The following SLC35F1 variants were observed in gnomAD, a reference collection of about 807,000 sequenced individuals.
SLC35F1 encodes the protein chromosome 6 open reading frame 169.
Under a neutral mutation model 48.7 loss-of-function variants are expected in SLC35F1, and 14 were observed. The observed-to-expected ratio is 0.29, with a 90% CI of 0.19 to 0.45. SLC35F1 has a LOEUF of 0.45. Among genes scored for constraint, SLC35F1 ranks in the 20% least tolerant of loss-of-function variants. The pLI is 1.00. For missense variants in SLC35F1, 404 were observed against 500.0 expected, an observed-to-expected ratio of 0.81 and a Z score of 1.83; for synonymous variants, 190 against 202.2, an observed-to-expected ratio of 0.94 and a Z score of 0.51.
At chr6:117,916,707 G>T (rs914968426) in intron 1 of SLC35F1, among the ~76,000 whole-genome samples, 2 of 152,228 alleles carry the variant, frequency 1.3e-5, no homozygotes, top group Admixed American at 1.3e-4. Context: ...AGTAAGTGGG[G>T]AGTAAGACTT....
In SLC35F1 at chr6:118,164,316, C is replaced by CAAT. The variant is rs1469095563; in HGVS notation, c.349+9697_349+9699dup. 3.9e-5 allele frequency among the ~76,000 whole-genome samples: 6 copies of CAAT among 152,262 alleles called. No individual in the cohort carries two copies. In the East Asian group the frequency reaches 9.7e-4, roughly 25 times the overall value. On this transcript the variant is annotated intron_variant, in intron 2 of 7. Coordinates refer to ENST00000360388, the MANE Select transcript of SLC35F1 (RefSeq NM_001029858.4). Reference sequence around the variant, plus strand: ...TTCTTCCAAAAAATAGAGTGAATATCAATTTTTTGTCTTTAACTGCCTAAT... The same window carrying CAAT: ...TTCTTCCAAAAAATAGAGTGAATATCAATAATTTTTTGTCTTTAACTGCCTAAT...
chr6:118,216,577 T>C (rs1775076161), intron 2 of SLC35F1, among the ~76,000 whole-genome samples: 1 of 151,536 alleles, frequency 6.6e-6, no homozygotes, highest in Non-Finnish European at 1.5e-5. Flanking sequence ...TGGTTGAAAT[T>C]GTGTCAGAGG....
intron 1 of SLC35F1, among the ~76,000 whole-genome samples, chr6:118,107,478 G>A (rs902015502): frequency 2.6e-5 from 4 of 152,090 alleles, no homozygotes; most frequent in African/African-American, 9.7e-5. Flanking sequence ...AATACTGACA[G>A]ATCTTATAAC....
chr6:117,923,670 T>TATGTATATATGCATATATGTAC (rs1554216692), intron 1 of SLC35F1, among the ~76,000 whole-genome samples: 5 of 26,826 alleles, frequency 1.9e-4, no homozygotes, highest in Non-Finnish European at 3.0e-4. Flanking sequence ...TATATATACA[T>TATGTATATATGCATATATGTAC]ATATGTACAT....
In SLC35F1 at chr6:118,265,417, A is replaced by G. The variant is rs189395821; in HGVS notation, c.478-1578A>G. On this transcript the variant is annotated intron_variant, in intron 3 of 7. Coordinates refer to ENST00000360388, the MANE Select transcript of SLC35F1 (RefSeq NM_001029858.4). ...TAAGTACTATTACAATTGGAACTAC[A>G]GAGGAGAAGTACAGCATTCAACAAA... is the stretch of plus-strand genomic sequence containing the variant. 9.2e-5 allele frequency among the ~76,000 whole-genome samples: 14 copies of G among 152,324 alleles called. No individual in the cohort carries two copies. In the East Asian group the frequency reaches 1.4e-3, roughly 15 times the overall value.
At chr6:118,150,564 A>G (rs925857358) in intron 1 of SLC35F1, among the ~76,000 whole-genome samples, 2 of 152,190 alleles carry the variant, frequency 1.3e-5, no homozygotes, top group African/African-American at 4.8e-5. Context: ...AATCCATGTC[A>G]TAGCAATAAT....
intron 1 of SLC35F1, among the ~76,000 whole-genome samples, chr6:117,991,289 A>AG (rs1776916920): frequency 6.6e-6 from 1 of 151,758 alleles, no homozygotes; most frequent in Non-Finnish European, 1.5e-5. Context: ...AAGTTCTTTC[A>AG]GAAAAAAAAA....
intron 1 of SLC35F1, among the ~76,000 whole-genome samples, chr6:117,909,384 A>G (rs1333103630): frequency 6.6e-6 from 1 of 152,172 alleles, no homozygotes; most frequent in Non-Finnish European, 1.5e-5. Flanking sequence ...ATCAAACTAG[A>G]AAATATTGAT....
intron 1 of SLC35F1, among the ~76,000 whole-genome samples, chr6:118,066,730 G>A (rs954956752): frequency 4.6e-5 from 7 of 151,284 alleles, no homozygotes; most frequent in African/African-American, 1.7e-4. Flanking sequence ...GCTTATCTAA[G>A]GCAGTAGTTC....
chr6:118,167,375 C>A (rs977602663), intron 2 of SLC35F1, among the ~76,000 whole-genome samples: 1 of 152,154 alleles, frequency 6.6e-6, no homozygotes, highest in African/African-American at 2.4e-5. Flanking sequence ...AAACATCATA[C>A]AGTGTACTTA....
At chr6:118,203,494 G>A (rs1307964239) in intron 2 of SLC35F1, among the ~76,000 whole-genome samples, 2 of 152,174 alleles carry the variant, frequency 1.3e-5, no homozygotes, top group Admixed American at 6.5e-5. Context: ...TCTCCTTTCA[G>A]GAGGGCCCTT....
In SLC35F1 at chr6:118,052,633, A is replaced by T. The variant is rs555914399; in HGVS notation, c.174-101812A>T. On this transcript the variant is annotated intron_variant, in intron 1 of 7. Coordinates refer to ENST00000360388, the MANE Select transcript of SLC35F1 (RefSeq NM_001029858.4). Reference sequence around the variant, plus strand: ...CTGACCAGTGAGAAAAGCAAAAATAAAGTTTAAGGAAAAAGTGTGTCATCA... The same window carrying T: ...CTGACCAGTGAGAAAAGCAAAAATATAGTTTAAGGAAAAAGTGTGTCATCA... Among the ~76,000 whole-genome samples the T allele has an allele frequency of 3.9e-5, 6 of 152,320 alleles. No homozygotes were observed. The East Asian group carries it at 1.2e-3, about 29-fold the overall frequency.
intron 2 of SLC35F1, among the ~76,000 whole-genome samples, chr6:118,197,457 C>T (rs1048487945): frequency 1.1e-4 from 16 of 152,036 alleles, no homozygotes; most frequent in African/African-American, 3.6e-4. Flanking sequence ...GTTATTTTCC[C>T]CCATCTGGTT....
intron 2 of SLC35F1, among the ~76,000 whole-genome samples, chr6:118,214,303 T>C (rs766236467): frequency 6.6e-6 from 1 of 152,216 alleles, no homozygotes; most frequent in Non-Finnish European, 1.5e-5. Context: ...TTCAATAGTC[T>C]TATGATATGA....
intron 1 of SLC35F1, chr6:117,999,131 G>A: frequency 6.3e-7 from 1 of 1,591,518 alleles, no homozygotes; most frequent in South Asian, 1.1e-5. Flanking sequence ...CAACAAAAAG[G>A]GCCTAAAGAA....
intron 1 of SLC35F1, among the ~76,000 whole-genome samples, chr6:118,017,255 G>A (rs991877168): frequency 3.9e-5 from 6 of 152,184 alleles, no homozygotes; most frequent in African/African-American, 7.2e-5. Context: ...ACCTGCAAGC[G>A]GGCTGTGACC....
At chr6:117,927,960 A>T (rs984607558) in intron 1 of SLC35F1, among the ~76,000 whole-genome samples, 2 of 152,176 alleles carry the variant, frequency 1.3e-5, no homozygotes, top group Non-Finnish European at 2.9e-5. Context: ...AAAAGAACAG[A>T]TTCTTTCCTT....
At chr6:118,236,184 G>A (rs1420255400) in intron 3 of SLC35F1, among the ~76,000 whole-genome samples, 3 of 152,022 alleles carry the variant, frequency 2.0e-5, no homozygotes, top group African/African-American at 7.3e-5. Context: ...AATGTGTTAT[G>A]CGTGAAGATA....
intron 1 of SLC35F1, among the ~76,000 whole-genome samples, chr6:118,078,744 G>A (rs1003698693): frequency 1.3e-5 from 2 of 152,152 alleles, no homozygotes; most frequent in Non-Finnish European, 2.9e-5. Flanking sequence ...GTGTCAAGGT[G>A]CAGAAAGAAG....
Sources: allele counts gnomAD v4.1 joint callset (sites outside exome capture counted in the v4.1 genomes callset), GRCh38; gene constraint gnomAD v4.1.1; transcripts MANE v1.5; gene names NCBI Gene and HGNC (gene_info 2026-07-23, HGNC 2026-07-21).